Variants in GPR158 observed in about 807,000 individuals in gnomAD.
The protein encoded by GPR158 is G protein-coupled receptor 158, also known as metabotropic glycine receptor.
GPR158 carries 30 observed loss-of-function variants against 78.2 expected under a neutral mutation model. That is an observed-to-expected ratio of 0.38 (90% CI 0.29 to 0.52). GPR158 has a LOEUF of 0.52. Among genes scored for constraint, GPR158 ranks in the 20% least tolerant of loss-of-function variants. The pLI is 0.83. For missense variants in GPR158, 1,463 were observed against 1,523.5 expected, an observed-to-expected ratio of 0.96 and a Z score of 0.66; for synonymous variants, 581 against 591.1, an observed-to-expected ratio of 0.98 and a Z score of 0.25.
intron 5 of GPR158, among the ~76,000 whole-genome samples, chr10:25,509,839 G>A (rs1373101936): frequency 6.6e-6 from 1 of 152,148 alleles, no homozygotes; most frequent in African/African-American, 2.4e-5. Context: ...TCAGCCTCCT[G>A]AGTAGCTGGG....
chr10:25,204,274 G>A (rs1015512272), intron 1 of GPR158, among the ~76,000 whole-genome samples: 3 of 152,166 alleles, frequency 2.0e-5, no homozygotes, highest in African/African-American at 7.2e-5. Context: ...GCCCTGGCCA[G>A]AACTTCTAAC....
chr10:25,329,282 A>C lies in GPR158; in HGVS notation c.1009-66629A>C, dbSNP rs182512165. 5.2e-3 allele frequency among the ~76,000 whole-genome samples: 781 copies of C among 150,638 alleles called. 8 individuals are homozygous for C. The highest frequency in any genetic ancestry group is 0.018 in the African/African-American group (755 of 41,164). Reference sequence around the variant, plus strand: ...AAACCCTGTCTCTACTAAAAATACAAAAAAAAAATTAGCCGGGCGTGGTGG... The same window carrying C: ...AAACCCTGTCTCTACTAAAAATACACAAAAAAAATTAGCCGGGCGTGGTGG... On this transcript the variant is annotated intron_variant, in intron 2 of 10. Coordinates refer to ENST00000376351, the MANE Select transcript of GPR158 (RefSeq NM_020752.3).
At chr10:25,566,520 T>G (rs1357530923) in intron 6 of GPR158, among the ~76,000 whole-genome samples, 6 of 152,058 alleles carry the variant, frequency 3.9e-5, no homozygotes, top group Non-Finnish European at 8.8e-5. Flanking sequence ...TCATTATTCT[T>G]CCTTATTCCG....
intron 2 of GPR158, among the ~76,000 whole-genome samples, chr10:25,268,375 A>G (rs1460763180): frequency 6.6e-6 from 1 of 152,140 alleles, no homozygotes; most frequent in African/African-American, 2.4e-5. Flanking sequence ...GTGATTTTAA[A>G]TAAAATATTG....
At chr10:25,245,249 T>A (rs1376258759) in intron 2 of GPR158, among the ~76,000 whole-genome samples, 1 of 152,248 alleles carries the variant, frequency 6.6e-6, no homozygotes, top group African/African-American at 2.4e-5. Context: ...ACAAACAACC[T>A]GTTCTTCTAT....
chr10:25,345,541 C>T (rs557976925), intron 2 of GPR158, among the ~76,000 whole-genome samples: 5 of 151,830 alleles, frequency 3.3e-5, no homozygotes, highest in African/African-American at 4.8e-5. Flanking sequence ...AAGGATTTGC[C>T]GACTAAACAT....
At chr10:25,261,446 T>G (rs549321255) in intron 2 of GPR158, among the ~76,000 whole-genome samples, 5 of 152,312 alleles carry the variant, frequency 3.3e-5, no homozygotes, top group African/African-American at 1.2e-4. Context: ...GTTTTTATTT[T>G]TTTTACATCA....
intron 4 of GPR158, among the ~76,000 whole-genome samples, chr10:25,421,812 T>C (rs1043673447): frequency 6.6e-6 from 1 of 152,194 alleles, no homozygotes; most frequent in Non-Finnish European, 1.5e-5. Context: ...TCCCAGTTTA[T>C]TAAAATTTAA....
intron 2 of GPR158, among the ~76,000 whole-genome samples, chr10:25,360,156 C>T (rs535310395): frequency 0.011 from 1,652 of 152,180 alleles, 8 homozygotes; most frequent in Non-Finnish European, 0.016. Flanking sequence ...GATATTAGCC[C>T]TTTGTCAGAT....
intron 2 of GPR158, among the ~76,000 whole-genome samples, chr10:25,337,178 CATACAT>C (rs1200691983): frequency 6.6e-6 from 1 of 152,000 alleles, no homozygotes; most frequent in Non-Finnish European, 1.5e-5. Flanking sequence ...TTAAGAAAGA[CATACAT>C]ATAGTAAACC....
chr10:25,244,929 A>G (rs572921211), intron 2 of GPR158: 2 of 151,594 alleles, frequency 1.3e-5, no homozygotes, highest in African/African-American at 2.4e-5. Flanking sequence ...CCAGAGGTGC[A>G]TGTTTCTTTT....
At chr10:25,431,814 A>T (rs966020751) in intron 4 of GPR158, among the ~76,000 whole-genome samples, 7 of 152,194 alleles carry the variant, frequency 4.6e-5, no homozygotes, top group African/African-American at 9.7e-5. Flanking sequence ...AATGATGAGA[A>T]CACATGGACA....
At chr10:25,441,999 C>T (rs1439244742) in intron 4 of GPR158, among the ~76,000 whole-genome samples, 1 of 152,062 alleles carries the variant, frequency 6.6e-6, no homozygotes, top group East Asian at 1.9e-4. Context: ...AAATTAAATT[C>T]CTTGAGCTGT....
At chr10:25,207,571 C>G (rs1853060257) in intron 1 of GPR158, among the ~76,000 whole-genome samples, 1 of 152,090 alleles carries the variant, frequency 6.6e-6, no homozygotes, top group South Asian at 2.1e-4. Flanking sequence ...GTTTGTGCTC[C>G]TGTGAGAATC....
At position 25,598,215 on chromosome 10, in the gene GPR158, A is replaced by G. The variant is rs1025421453; in HGVS notation, c.2589A>G (p.Glu863=). 1 of 1,614,146 alleles carries G rather than the reference A, an allele frequency of 6.2e-7. No individual in the cohort carries two copies. ...AAAAACTAACACAAAAACTAAAAGA[A>G]GACAGCGAGGCTGAGTCCACGGAGT... The part of the protein sequence containing the change: ...SGKKLTQKLK[E]DSEAESTESV... The change falls in exon 11 of 11, where the codon GAA becomes GAG. Residue 863 remains glutamate (E), a synonymous_variant. Transcript: ENST00000376351.
In GPR158 at chr10:25,587,867, G is replaced by A. The variant is rs144520854; in HGVS notation, c.1754-1140G>A. On this transcript the variant is annotated intron_variant, in intron 7 of 10. Transcript: ENST00000376351. ...AAACTTTGGCAAGGAAAACACCTTGGTTTTTGGATGGATGATCCATGTTTT... is the reference window on the plus strand; with the variant it reads ...AAACTTTGGCAAGGAAAACACCTTGATTTTTGGATGGATGATCCATGTTTT... 2.1e-3 allele frequency among the ~76,000 whole-genome samples: 319 copies of A among 152,262 alleles called. 11 individuals are homozygous for A. The South Asian group carries it at 0.046, about 22-fold the overall frequency.
intron 2 of GPR158, among the ~76,000 whole-genome samples, chr10:25,352,581 T>TA (rs1414349974): frequency 6.6e-6 from 1 of 151,996 alleles, no homozygotes; most frequent in Non-Finnish European, 1.5e-5. Context: ...TTTGCCTTTT[T>TA]AACCATCAGA....
chr10:25,543,912 T>C (rs1836624064), intron 5 of GPR158, among the ~76,000 whole-genome samples: 1 of 152,220 alleles, frequency 6.6e-6, no homozygotes, highest in Non-Finnish European at 1.5e-5. Context: ...GAGGTACATC[T>C]ACCTTAGGTC....
At chr10:25,557,990 T>C (rs1836807475) in intron 6 of GPR158, among the ~76,000 whole-genome samples, 1 of 152,252 alleles carries the variant, frequency 6.6e-6, no homozygotes, top group Non-Finnish European at 1.5e-5. Context: ...CACATGACTT[T>C]GAAATACACT....
Sources: allele counts gnomAD v4.1 joint callset (sites outside exome capture counted in the v4.1 genomes callset), GRCh38; gene constraint gnomAD v4.1.1; transcripts MANE v1.5; gene names NCBI Gene and HGNC (gene_info 2026-07-23, HGNC 2026-07-21).